SPOPL: variants seen among roughly 807,000 people sequenced by gnomAD.
SPOPL encodes speckle type BTB/POZ protein like, also known as speckle-type POZ protein-like.
Under a neutral mutation model 53.8 loss-of-function variants are expected in SPOPL, and 23 were observed. That is an observed-to-expected ratio of 0.43 (90% CI 0.31 to 0.61). The LOEUF (loss-of-function observed/expected upper bound fraction) is 0.61. Among genes scored for constraint, SPOPL ranks in the 20% least tolerant of loss-of-function variants. The pLI, the probability that SPOPL is intolerant of heterozygous loss-of-function variation, is 0.12. For missense variants in SPOPL, 442 were observed against 466.9 expected (o/e 0.95, Z 0.49); for synonymous variants, 164 against 149.7 (o/e 1.10, Z -0.70).
intron 1 of SPOPL, among the ~76,000 whole-genome samples, chr2:138,515,085 A>G (rs1175660441): frequency 2.6e-5 from 4 of 152,218 alleles, no homozygotes; most frequent in Non-Finnish European, 5.9e-5. Flanking sequence ...AAGATGCAGA[A>G]TATACAACAA....
At chr2:138,567,806 ATATTTGGATAT>A (rs1460299085) in intron 10 of SPOPL, among the ~76,000 whole-genome samples, 3 of 152,154 alleles carry the variant, frequency 2.0e-5, no homozygotes, top group Non-Finnish European at 4.4e-5. Flanking sequence ...GGAGAATCTA[ATATTTGGATAT>A]TATTTGGATG....
chr2:138,554,066 C>CTTTT (rs70978299), intron 5 of SPOPL, among the ~76,000 whole-genome samples: 1 of 126,656 alleles, frequency 7.9e-6, no homozygotes, highest in African/African-American at 3.0e-5. Context: ...TAGAAAATAC[C>CTTTT]TTTTTTTTTT....
In SPOPL at chr2:138,572,034, T is replaced by G. The variant is rs1289840216; in HGVS notation, c.*2954T>G. ...GTGTGTATGCGCGTGTGTGTCTGTG[T>G]GTTTGTGTACATACCTGTATTTGCT... On this transcript the variant is annotated 3_prime_UTR_variant, in exon 11 of 11. Transcript: ENST00000280098. The G allele has an allele frequency of 1.3e-5, 2 of 152,654 alleles. No homozygotes were observed. The highest frequency in any genetic ancestry group is 4.8e-5 in the African/African-American group (2 of 41,558). The allele number at this position is 152,654 out of a possible 1,614,324, so 9.5% of individuals were successfully genotyped here. A position where few individuals can be genotyped will look rare whatever the true frequency, so the allele number is the denominator to read the frequency against.
At chr2:138,527,940 A>T (rs541049212) in intron 1 of SPOPL, among the ~76,000 whole-genome samples, 3 of 152,334 alleles carry the variant, frequency 2.0e-5, no homozygotes, top group African/African-American at 7.2e-5. Flanking sequence ...ACTGTTACAC[A>T]TGTCAAAGTA....
At chr2:138,512,755 G>A (rs1395571384) in intron 1 of SPOPL, among the ~76,000 whole-genome samples, 1 of 151,826 alleles carries the variant, frequency 6.6e-6, no homozygotes, top group Non-Finnish European at 1.5e-5. Flanking sequence ...TGTTTATTTT[G>A]GACTCACATT....
At chr2:138,507,912 A>T (rs1684248929) in intron 1 of SPOPL, among the ~76,000 whole-genome samples, 1 of 152,218 alleles carries the variant, frequency 6.6e-6, no homozygotes, top group Non-Finnish European at 1.5e-5. Context: ...TTCATTCAAT[A>T]ACTGATAGCA....
Position 138,529,418 on chromosome 2 carries a change from G to A in SPOPL, c.-60-20739G>A, listed in dbSNP as rs565721359. On this transcript the variant is annotated intron_variant, in intron 1 of 10. Coordinates refer to ENST00000280098, the MANE Select transcript of SPOPL (RefSeq NM_001001664.3). ...TTTTGAATATGTTTTTGACCACCCC[G>A]TTTCCATATTGTACTTCATTGTTAC... Among the ~76,000 whole-genome samples the A allele has an allele frequency of 4.0e-5, 6 of 151,634 alleles. No individual in the cohort carries two copies. In the South Asian group the frequency reaches 1.0e-3, roughly 26 times the overall value.
Position 138,570,301 on chromosome 2 carries a change from T to G in SPOPL, c.*1221T>G, listed in dbSNP as rs1685754010. The G allele has an allele frequency of 6.6e-6, 1 of 152,214 alleles. No homozygotes were observed. 9.4% of individuals were successfully genotyped at this position (152,214 alleles called of 1,614,324 possible). On this transcript the variant is annotated 3_prime_UTR_variant, in exon 11 of 11. Transcript: ENST00000280098. Reference sequence around the variant, plus strand: ...ACCTCCCCTCACTCCCCGTTTTTCTTCATTGTGTTTCAGTTACTGTACTAA... The same window carrying G: ...ACCTCCCCTCACTCCCCGTTTTTCTGCATTGTGTTTCAGTTACTGTACTAA...
chr2:138,559,244 A>G, intron 6 of SPOPL, 38 bp from the exon 7 acceptor site: 1 of 1,610,724 alleles, frequency 6.2e-7, no homozygotes, highest in Non-Finnish European at 8.5e-7. Context: ...AAAAAAATGC[A>G]TTTATGCATA....
chr2:138,549,764 C>T (rs1685274054), intron 1 of SPOPL, among the ~76,000 whole-genome samples: 1 of 152,092 alleles, frequency 6.6e-6, no homozygotes, highest in Admixed American at 6.6e-5. Context: ...ATAGTTCTAA[C>T]TTTGCAAACC....
chr2:138,546,520 T>G (rs890937138), intron 1 of SPOPL, among the ~76,000 whole-genome samples: 1 of 152,228 alleles, frequency 6.6e-6, no homozygotes, highest in Non-Finnish European at 1.5e-5. Flanking sequence ...TGGGAGATCT[T>G]TGTCTTTGTT....
At chr2:138,506,114 T>G (rs1684210903) in intron 1 of SPOPL, among the ~76,000 whole-genome samples, 1 of 152,096 alleles carries the variant, frequency 6.6e-6, no homozygotes, top group Non-Finnish European at 1.5e-5. Flanking sequence ...GTTACCCAAA[T>G]TTTTGCTTTA....
chr2:138,540,248 T>G (rs1277484363), intron 1 of SPOPL, among the ~76,000 whole-genome samples: 1 of 152,226 alleles, frequency 6.6e-6, no homozygotes, highest in Non-Finnish European at 1.5e-5. Flanking sequence ...TGGTTCCATA[T>G]GAACTTGAAA....
intron 1 of SPOPL, among the ~76,000 whole-genome samples, chr2:138,502,682 T>G (rs1159827703): frequency 1.3e-5 from 2 of 152,200 alleles, no homozygotes; most frequent in African/African-American, 2.4e-5. Context: ...ACCTGCTTTC[T>G]AATACATTTT....
Position 138,551,061 on chromosome 2 carries a change from G to A in SPOPL, c.352+7G>A. ...GAAGAAACAAAAGCAATGGGTAAGT[G>A]ATTTGCAAACTAAGTGAAGACATTT... On this transcript the variant is annotated splice_region_variant and intron_variant, in intron 4 of 10. Coordinates refer to ENST00000280098, the MANE Select transcript of SPOPL (RefSeq NM_001001664.3). The A allele has an allele frequency of 6.2e-7, 1 of 1,612,262 alleles. No individual in the cohort carries two copies. The highest frequency in any genetic ancestry group is 8.5e-7 in the Non-Finnish European group (1 of 1,179,112).
At chr2:138,552,232 A>G (rs548787808) in intron 4 of SPOPL, among the ~76,000 whole-genome samples, 1 of 152,022 alleles carries the variant, frequency 6.6e-6, no homozygotes, top group South Asian at 2.1e-4. Flanking sequence ...ATCCTATTTC[A>G]TTGTCTTTTA....
At chr2:138,502,599 T>G (rs1471799854) in intron 1 of SPOPL, among the ~76,000 whole-genome samples, 1 of 152,194 alleles carries the variant, frequency 6.6e-6, no homozygotes, top group Admixed American at 6.5e-5. Context: ...TTAGCCCATT[T>G]TAGGCAGAGT....
intron 5 of SPOPL, chr2:138,554,360 A>C (rs1210819569): frequency 1.2e-6 from 1 of 810,900 alleles, no homozygotes; most frequent in East Asian, 9.4e-5. Context: ...ATAGGTGGGC[A>C]AAAGGTACTT....
In SPOPL at chr2:138,533,567, T is replaced by A. The variant is rs531898215; in HGVS notation, c.-60-16590T>A. On this transcript the variant is annotated intron_variant, in intron 1 of 10. Transcript: ENST00000280098. ...TCCCTAAAGTCATCGTATACTTAAT[T>A]TGAATAGATTTAAGAAATTTATATG... Among the ~76,000 whole-genome samples, 3 of 152,226 alleles carry A rather than the reference T, an allele frequency of 2.0e-5. No individual in the cohort carries two copies. The South Asian group carries it at 6.2e-4, about 32-fold the overall frequency.
Sources: allele counts gnomAD v4.1 joint callset (sites outside exome capture counted in the v4.1 genomes callset), GRCh38; gene constraint gnomAD v4.1.1; transcripts MANE v1.5; gene names NCBI Gene and HGNC (gene_info 2026-07-23, HGNC 2026-07-21).